KNL1: variants seen among roughly 807,000 people sequenced by gnomAD.
The protein encoded by KNL1 is kinetochore scaffold 1, also known as outer kinetochore KNL1 complex subunit KNL1.
In KNL1, 66 loss-of-function variants were observed where a neutral mutation model predicts 201.3. That is an observed-to-expected ratio of 0.33 (90% CI 0.27 to 0.40). The LOEUF (loss-of-function observed/expected upper bound fraction) is 0.40. KNL1 is among the 10% of genes least tolerant of loss of function. KNL1 has a pLI of 1.00. For missense variants in KNL1, 2,815 were observed against 2,690.5 expected (o/e 1.05, Z -1.02); for synonymous variants, 895 against 899.2 (o/e 1.00, Z 0.08).
At chr15:40,637,703 A>G (rs1893099032) in intron 13 of KNL1, among the ~76,000 whole-genome samples, 1 of 152,198 alleles carries the variant, frequency 6.6e-6, no homozygotes, top group Admixed American at 6.5e-5. Context: ...TTGCTTTATG[A>G]TGGTTCAATA....
chr15:40,644,972 G>A, intron 14 of KNL1, 25 bp from the exon 15 acceptor site: 1 of 1,475,830 alleles, frequency 6.8e-7, no homozygotes, highest in East Asian at 2.3e-5. Context: ...TCCCTACAGT[G>A]CTAATTAACT....
chr15:40,651,694 C>G (rs1180928946), intron 20 of KNL1, 122 bp downstream of exon 20: 6 of 632,462 alleles, frequency 9.5e-6, no homozygotes, highest in African/African-American at 1.8e-5. Flanking sequence ...AGTGCTGTTT[C>G]AAAAAGAGTC....
At chr15:40,660,443 G>A (rs1474640555) in intron 25 of KNL1, among the ~76,000 whole-genome samples, 1 of 151,426 alleles carries the variant, frequency 6.6e-6, no homozygotes, top group Non-Finnish European at 1.5e-5. Context: ...GAGGTAGGTG[G>A]ATCACGAGGT....
intron 12 of KNL1, 146 bp from the exon 13 acceptor site, chr15:40,629,127 A>G (rs1892831774): frequency 4.1e-6 from 2 of 491,294 alleles, no homozygotes; most frequent in African/African-American, 4.1e-5. Context: ...CTTAGATAAA[A>G]TCTGCTCATG....
chr15:40,644,813 A>G (rs1485528718), intron 14 of KNL1, among the ~76,000 whole-genome samples, 184 bp from the exon 15 acceptor site: 6 of 152,242 alleles, frequency 3.9e-5, no homozygotes, highest in East Asian at 1.9e-4. Context: ...GGTTGGGTCA[A>G]AGTGGCTGGG....
chr15:40,609,492 A>G (rs1212352728), intron 5 of KNL1, among the ~76,000 whole-genome samples: 1 of 152,218 alleles, frequency 6.6e-6, no homozygotes, highest in East Asian at 1.9e-4. Flanking sequence ...GGTCGGATTC[A>G]AGGCAGATGT....
intron 14 of KNL1, among the ~76,000 whole-genome samples, chr15:40,641,891 A>G (rs1469786178): frequency 6.6e-6 from 1 of 152,224 alleles, no homozygotes; most frequent in Non-Finnish European, 1.5e-5. Flanking sequence ...GCTATGGTAT[A>G]CGTAAATACT....
chr15:40,627,632 A>T (rs1420028282), intron 10 of KNL1, among the ~76,000 whole-genome samples: 1 of 152,206 alleles, frequency 6.6e-6, no homozygotes, highest in East Asian at 1.9e-4. Flanking sequence ...TATTCAGCTA[A>T]AGAAGTCTTG....
rs60586588 is a variant in KNL1 at position 40,598,210 on chromosome 15, A to G, written c.-18+3818A>G. On this transcript the variant is annotated intron_variant, in intron 1 of 25. Coordinates refer to ENST00000399668, the MANE Select transcript of KNL1 (RefSeq NM_144508.5). Reference sequence around the variant, plus strand: ...AAAGAAAAAGAAAAAAAAAGAAAATATTTCCAAAGGAGAAAAAATATGCGA... The same window carrying G: ...AAAGAAAAAGAAAAAAAAAGAAAATGTTTCCAAAGGAGAAAAAATATGCGA... 6.4e-3 allele frequency among the ~76,000 whole-genome samples: 968 copies of G among 151,988 alleles called. 12 individuals carry two copies. The highest frequency in any genetic ancestry group is 0.022 in the African/African-American group (920 of 41,448).
chr15:40,621,469 G>GT lies in KNL1; in HGVS notation c.1206dup (p.Asn403Ter). On this transcript the variant is annotated frameshift_variant, in exon 10 of 26. Transcript: ENST00000399668. LOFTEE classifies it high-confidence loss of function. ...GAAACTCACATAGTCTCACAGACTT[G>GT]TAATCAGGATGCCAGAATATTAGCC... 1 of 1,613,926 alleles carries GT rather than the reference G, an allele frequency of 6.2e-7. No individual in the cohort carries two copies. Among genetic ancestry groups the GT allele is most frequent in the East Asian group, 2.2e-5 (1 of 44,866 alleles).
intron 11 of KNL1, 33 bp downstream of exon 11, chr15:40,628,241 C>A: frequency 6.5e-7 from 1 of 1,548,566 alleles, no homozygotes; most frequent in Non-Finnish European, 8.7e-7. Flanking sequence ...ATAATAGCAG[C>A]CATCTGCTTA....
intron 19 of KNL1, among the ~76,000 whole-genome samples, chr15:40,650,914 A>G (rs1893537153): frequency 6.6e-6 from 1 of 152,186 alleles, no homozygotes; most frequent in Non-Finnish European, 1.5e-5. Context: ...GTAAGTGTAA[A>G]AGAAAGTAAA....
chr15:40,625,441 C>T lies in KNL1; in HGVS notation c.5177C>T (p.Ser1726Leu). 1 of 1,613,880 alleles carries T rather than the reference C, an allele frequency of 6.2e-7. No individual in the cohort carries two copies. Among genetic ancestry groups the T allele is most frequent in the Non-Finnish European group, 8.5e-7 (1 of 1,179,938 alleles). The stretch of plus-strand genomic sequence containing the variant: ...GTATATCCTGATGAGATCAATTCTT[C>T]AGACTCTATTAACATAGAAACTGAG... ...LPVYPDEINSSDSINIETEEK... is the reference protein window; with the variant it reads ...LPVYPDEINSLDSINIETEEK... The change falls in exon 10 of 26, where the codon TCA becomes TTA. Residue 1726 changes from serine (S) to leucine (L), a missense_variant. Coordinates refer to ENST00000399668, the MANE Select transcript of KNL1 (RefSeq NM_144508.5).
chr15:40,621,075 A>C lies in KNL1; in HGVS notation c.811A>C (p.Thr271Pro), dbSNP rs769373965. 10 of 1,613,098 alleles carry C rather than the reference A, an allele frequency of 6.2e-6. No individual in the cohort carries two copies. The highest frequency in any genetic ancestry group is 8.5e-6 in the Non-Finnish European group (10 of 1,179,560). Residue 271 changes from threonine to proline, a missense_variant, in exon 10 of 26, where the codon ACT (threonine) becomes CCT (proline). Thr to Pro is a conservative substitution (Grantham distance 38). Coordinates refer to ENST00000399668, the MANE Select transcript of KNL1 (RefSeq NM_144508.5). ...GGAAGATGAAAATAACAGTAATATT[A>C]CTAGGCTCTTTAGAGAAAAAGATGA... Reference protein sequence around the residue: ...LKEDENNSNITRLFREKDDGM... With the variant: ...LKEDENNSNIPRLFREKDDGM...
Position 40,625,138 on chromosome 15 carries a change from A to T in KNL1, c.4874A>T (p.Lys1625Met). 1 of 1,614,122 alleles carries T rather than the reference A, an allele frequency of 6.2e-7. No individual in the cohort carries two copies. The highest frequency in any genetic ancestry group is 1.1e-5 in the South Asian group (1 of 91,078). The change falls in exon 10 of 26, where the codon AAG becomes ATG. Residue 1625 changes from lysine (K) to methionine (M), a missense_variant. By Grantham distance (95) the Lys-to-Met change is moderately conservative (BLOSUM62 -1). Transcript: ENST00000399668. ...GATAGTAGAGATGAGGAAAATAAAAAGTCTCATAATGGAGCTGAAACCACC... is the reference window on the plus strand; with the variant it reads ...GATAGTAGAGATGAGGAAAATAAAATGTCTCATAATGGAGCTGAAACCACC... Reference protein sequence around the residue: ...AKDSRDEENKKSHNGAETTSL... With the variant: ...AKDSRDEENKMSHNGAETTSL...
chr15:40,605,954 T>C (rs543024975), intron 3 of KNL1, among the ~76,000 whole-genome samples: 1 of 152,336 alleles, frequency 6.6e-6, no homozygotes, highest in South Asian at 2.1e-4. Context: ...TACATCTAGC[T>C]CTTTTACTTC....
intron 13 of KNL1, among the ~76,000 whole-genome samples, chr15:40,629,613 C>G (rs1892855691): frequency 6.8e-6 from 1 of 147,126 alleles, no homozygotes; most frequent in African/African-American, 2.5e-5. Flanking sequence ...AAGTGATTCT[C>G]TTGTCTCAGC....
At chr15:40,598,953 G>A (rs918486056) in intron 1 of KNL1, among the ~76,000 whole-genome samples, 2 of 151,756 alleles carry the variant, frequency 1.3e-5, no homozygotes, top group Admixed American at 1.3e-4. Context: ...ACAGGCATGT[G>A]CTACCATACC....
rs375102589 is a variant in KNL1, at chr15:40,629,296, A to C, written c.5607A>C (p.Thr1869=). Residue 1869 remains threonine (T), a synonymous_variant, in exon 13 of 26, where the codon ACA becomes ACC. Coordinates refer to ENST00000399668, the MANE Select transcript of KNL1 (RefSeq NM_144508.5). ...AGAAACTCCAAGATGGGAGAATAACAATAAGGGAGTTCTTTATACTTCTCC... is the reference window on the plus strand; with the variant it reads ...AGAAACTCCAAGATGGGAGAATAACCATAAGGGAGTTCTTTATACTTCTCC... ...LREKLQDGRI[T]IREFFILLQV... is the part of the protein sequence containing the mutation. 6.0e-5 allele frequency: 96 copies of C among 1,597,930 alleles called. No individual in the cohort carries two copies. Among genetic ancestry groups the C allele is most frequent in the Non-Finnish European group, 7.1e-5 (84 of 1,176,222 alleles).
Sources: gnomAD v4.1 joint callset for allele counts (sites outside exome capture counted in the v4.1 genomes callset) on GRCh38, gnomAD v4.1.1 for gene constraint, MANE v1.5 for transcripts, NCBI Gene and HGNC (gene_info 2026-07-23, HGNC 2026-07-21) for gene names.